UFD1: variants seen among roughly 807,000 people sequenced by gnomAD.
The protein encoded by UFD1 is ubiquitin recognition factor in ER-associated degradation protein 1.
In UFD1, 13 loss-of-function variants were observed where a neutral mutation model predicts 45.9. The ratio of observed to expected loss-of-function variants is 0.28; its 90% CI spans 0.18 to 0.45. The LOEUF is 0.45. Among genes scored for constraint, UFD1 ranks in the 20% least tolerant of loss-of-function variants. The probability of loss-of-function intolerance (pLI) is 1.00; values close to 1 mark genes in which losing one functional copy is unlikely to be tolerated. For missense variants in UFD1, 218 were observed against 389.2 expected, an observed-to-expected ratio of 0.56 and a Z score of 3.70; for synonymous variants, 128 against 139.2, an observed-to-expected ratio of 0.92 and a Z score of 0.56.
At chr22:19,460,785 G>C (rs2089760543) in intron 6 of UFD1, among the ~76,000 whole-genome samples, 1 of 150,762 alleles carries the variant, frequency 6.6e-6, no homozygotes, top group Non-Finnish European at 1.5e-5. Context: ...CTTGAGGCAG[G>C]GTCTTGCTCA....
chr22:19,470,079 G>A (rs769000135), intron 4 of UFD1: 5 of 505,494 alleles, frequency 9.9e-6, no homozygotes, highest in South Asian at 7.2e-5. Flanking sequence ...GTGTTCTACC[G>A]GATGAGCACA....
Position 19,454,842 on chromosome 22 carries a change from G to A in UFD1, c.768-12C>T. ...AATTGGGAATTCCTCTGTAAGAAGA[G>A]ACAGAGACAGAGAAATGTTATTTCC... On this transcript the variant is annotated splice_polypyrimidine_tract_variant and intron_variant, in intron 10 of 11. Coordinates refer to ENST00000263202, the MANE Select transcript of UFD1 (RefSeq NM_005659.7). 1 of 1,607,618 alleles carries A rather than the reference G, an allele frequency of 6.2e-7. No individual in the cohort carries two copies. Among genetic ancestry groups the A allele is most frequent in the South Asian group, 1.1e-5 (1 of 89,762 alleles).
At chr22:19,453,110 G>A in intron 11 of UFD1, 1 of 985,442 alleles carries the variant, frequency 1.0e-6, no homozygotes, top group South Asian at 4.7e-5. Flanking sequence ...GAGACCTACT[G>A]GAGTCGAGCC....
At chr22:19,470,211 C>CA (rs1251814003) in intron 4 of UFD1, among the ~76,000 whole-genome samples, 1 of 152,200 alleles carries the variant, frequency 6.6e-6, no homozygotes, top group African/African-American at 2.4e-5. Flanking sequence ...AGCCCCCCAA[C>CA]AGGCCAGGTT....
chr22:19,470,001 C>T, intron 4 of UFD1: 1 of 518,694 alleles, frequency 1.9e-6, no homozygotes, highest in Non-Finnish European at 3.8e-6. Context: ...ATAGGTGAGC[C>T]ACAGAAGGGA....
chr22:19,456,477 C>T, intron 9 of UFD1, 110 bp downstream of exon 9: 1 of 1,456,090 alleles, frequency 6.9e-7, no homozygotes, highest in East Asian at 2.3e-5. Flanking sequence ...TACCCAGAGG[C>T]CTAACCCCTG....
intron 11 of UFD1, chr22:19,453,688 T>C: frequency 1.0e-6 from 1 of 985,504 alleles, no homozygotes; most frequent in African/African-American, 1.7e-5. Flanking sequence ...CTGTTTCAAC[T>C]TGAACATTGA....
chr22:19,456,856 C>T lies in UFD1; in HGVS notation c.627G>A (p.Ser209=), dbSNP rs375655502. 66 of 1,613,752 alleles carry T rather than the reference C, an allele frequency of 4.1e-5. No individual in the cohort carries two copies. In the African/African-American group the frequency reaches 8.3e-4, roughly 20 times the overall value. ...EPERQVQHEE[S]TEGEADHSGY... ...GGACACTGAGGATAACACTTACTGT[C>T]GACTCCTCATGCTGGACTTGTCTTT... Residue 209 remains serine, a synonymous_variant, in exon 8 of 12, where the codon TCG becomes TCA. Transcript: ENST00000263202.
At position 19,467,929 on chromosome 22, in the gene UFD1, GT is replaced by G; in HGVS notation, c.365del (p.Tyr122SerfsTer21). ...VESVNLQVAT[Y>X]SKFQPQSPDF... ...CAGGGCTCTGAGGTTGGAATTTGGA[GT>G]AGGTGGCCACTTGAAGGTTGACGCT... On this transcript the variant is annotated frameshift_variant, in exon 5 of 12. Coordinates refer to ENST00000263202, the MANE Select transcript of UFD1 (RefSeq NM_005659.7). LOFTEE classifies it high-confidence loss of function. 6.2e-7 allele frequency: 1 copy of G among 1,614,206 alleles called. No homozygotes were observed. Among genetic ancestry groups the G allele is most frequent in the Non-Finnish European group, 8.5e-7 (1 of 1,180,036 alleles).
intron 6 of UFD1, among the ~76,000 whole-genome samples, chr22:19,460,755 CT>C (rs544754175): frequency 0.02 from 2,690 of 133,500 alleles, 58 homozygotes; most frequent in East Asian, 0.082. Context: ...AACCACCATT[CT>C]TTTTTTTTTT....
chr22:19,452,751 C>G (rs1370069284), intron 11 of UFD1: 2 of 152,412 alleles, frequency 1.3e-5, no homozygotes, highest in Non-Finnish European at 2.9e-5. Context: ...TCTCAAACTC[C>G]TGGGCTCAGA....
chr22:19,474,313 G>A (rs945626916), intron 3 of UFD1, among the ~76,000 whole-genome samples: 7 of 152,148 alleles, frequency 4.6e-5, no homozygotes, highest in Admixed American at 1.3e-4. Context: ...GGGAGGCCGA[G>A]GCAGGCAGGT....
intron 4 of UFD1, chr22:19,470,137 G>T: frequency 2.2e-6 from 1 of 455,318 alleles, no homozygotes; most frequent in Admixed American, 2.3e-5. Context: ...CACAAGAATA[G>T]CAAGGGGCTG....
At position 19,471,668 on chromosome 22, in the gene UFD1, C is replaced by A; in HGVS notation, c.291+19G>T. 1 of 1,610,946 alleles carries A rather than the reference C, an allele frequency of 6.2e-7. No homozygotes were observed. Among genetic ancestry groups the A allele is most frequent in the Non-Finnish European group, 8.5e-7 (1 of 1,179,256 alleles). Reference sequence around the variant, plus strand: ...TGCCTAAGTGGCTGCTCTCTAGAGACCCTGGCAGCCCCACTCACCCAGTGT... The same window carrying A: ...TGCCTAAGTGGCTGCTCTCTAGAGAACCTGGCAGCCCCACTCACCCAGTGT... On this transcript the variant is annotated intron_variant, in intron 4 of 11. Transcript: ENST00000263202.
intron 4 of UFD1, among the ~76,000 whole-genome samples, chr22:19,468,912 G>C (rs1313380235): frequency 6.6e-6 from 1 of 152,232 alleles, no homozygotes; most frequent in Admixed American, 6.5e-5. Flanking sequence ...AAGGGAAAAG[G>C]GGGCTGAGGG....
Position 19,454,802 on chromosome 22 carries a change from C to G in UFD1, c.796G>C (p.Gly266Arg). The change falls in exon 11 of 12, where the codon GGT becomes CGT. Residue 266 changes from glycine to arginine, a missense_variant. Gly to Arg is a moderately radical substitution (Grantham distance 125, BLOSUM62 -2). Transcript: ENST00000263202. Reference protein sequence around the residue: ...RGIPNYEFKLGKITFIRNSRP... With the variant: ...RGIPNYEFKLRKITFIRNSRP... Reference sequence around the variant, plus strand: ...GAATTTCTGATGAAAGTTATCTTACCAAGTTTAAATTCATAATTGGGAATT... The same window carrying G: ...GAATTTCTGATGAAAGTTATCTTACGAAGTTTAAATTCATAATTGGGAATT... The G allele has an allele frequency of 1.2e-6, 2 of 1,613,692 alleles. No individual in the cohort carries two copies. Among genetic ancestry groups the G allele is most frequent in the Non-Finnish European group, 1.7e-6 (2 of 1,179,848 alleles).
intron 5 of UFD1, chr22:19,465,520 C>A: frequency 2.1e-6 from 1 of 468,338 alleles, no homozygotes; most frequent in South Asian, 2.3e-5. Context: ...AATAACCAAC[C>A]ACAAAAGGGC....
chr22:19,454,509 T>C, intron 11 of UFD1: 1 of 877,292 alleles, frequency 1.1e-6, no homozygotes, highest in East Asian at 3.9e-5. Flanking sequence ...CTCTGCCTGC[T>C]ACCATCCATG....
chr22:19,454,749 C>T lies in UFD1; in HGVS notation c.849G>A (p.Glu283=). The T allele has an allele frequency of 6.2e-7, 1 of 1,614,114 alleles. No individual in the cohort carries two copies. The highest frequency in any genetic ancestry group is 8.5e-7 in the Non-Finnish European group (1 of 1,179,992). ...NSRPLVKKVE[E]DEAGGRFVAF... ...AGGAAATACAAGGAAATACACTCAC[C>T]TCTTCAACCTTTTTGACAAGGGGAC... Residue 283 remains glutamate, a splice_region_variant and synonymous_variant, in exon 11 of 12, where the codon GAG becomes GAA. Transcript: ENST00000263202.
Sources: gnomAD v4.1 joint callset for allele counts (sites outside exome capture counted in the v4.1 genomes callset) on GRCh38, gnomAD v4.1.1 for gene constraint, MANE v1.5 for transcripts, NCBI Gene and HGNC (gene_info 2026-07-23, HGNC 2026-07-21) for gene names.